ANXA8: variants seen among roughly 807,000 people sequenced by gnomAD.
ANXA8 encodes the protein VAC-beta.
In ANXA8, 9 loss-of-function variants were observed where a neutral mutation model predicts 26.8. The observed-to-expected ratio is 0.34, with a 90% confidence interval of 0.20 to 0.59. ANXA8 has a LOEUF of 0.59. Ranked by LOEUF, ANXA8 falls within the 20% of genes least tolerant of loss-of-function variation. ANXA8 has a pLI of 0.84. For missense variants in ANXA8, 83 were observed against 238.5 expected (o/e 0.35, Z 4.29); for synonymous variants, 39 against 94.8 (o/e 0.41, Z 3.42).
At chr10:47,697,388 A>C in the ANXA8 span, among the ~76,000 whole-genome samples, 1 of 151,934 alleles carries the variant, frequency 6.6e-6, no homozygotes, top group Non-Finnish European at 1.5e-5. Context: ...TAGAGGGAGA[A>C]ATAATAAGCT....
At chr10:47,533,235 AC>A in the ANXA8 span, among the ~76,000 whole-genome samples, 1 of 106,776 alleles carries the variant, frequency 9.4e-6, no homozygotes. Flanking sequence ...CCCCGCAGAC[AC>A]CCTAGTGGCC....
chr10:47,942,708 G>A, the ANXA8 span, among the ~76,000 whole-genome samples: 3 of 142,570 alleles, frequency 2.1e-5, 1 homozygote, highest in Non-Finnish European at 4.5e-5. Context: ...AAGTGTTTGA[G>A]TCTGTCTGAA....
the ANXA8 span, among the ~76,000 whole-genome samples, chr10:47,590,596 A>G: frequency 2.1e-5 from 3 of 146,170 alleles, 1 homozygote; most frequent in African/African-American, 8.4e-5. Context: ...ACAACACAGC[A>G]CCACAGAAGC....
the ANXA8 span, among the ~76,000 whole-genome samples, chr10:47,940,095 C>A: frequency 6.6e-6 from 1 of 151,464 alleles, no homozygotes; most frequent in Admixed American, 6.6e-5. Context: ...TCTCTGAAAA[C>A]TTTTCCTGGC....
At chr10:47,631,718 T>C in the ANXA8 span, among the ~76,000 whole-genome samples, 24 of 150,518 alleles carry the variant, frequency 1.6e-4, 1 homozygote, top group African/African-American at 5.3e-4. Flanking sequence ...TAGTACCAAG[T>C]CATGGCAATT....
the ANXA8 span, chr10:47,567,914 C>A: frequency 1.5e-5 from 8 of 545,092 alleles, no homozygotes; most frequent in East Asian, 2.9e-5. Context: ...ACTTTTTTAA[C>A]CTTTATATGG....
At chr10:47,954,939 A>C in the ANXA8 span, among the ~76,000 whole-genome samples, 1 of 150,456 alleles carries the variant, frequency 6.6e-6, no homozygotes, top group Non-Finnish European at 1.5e-5. Flanking sequence ...GGAGCCCAGA[A>C]ACATTATGAT....
At chr10:47,626,013 C>A in the ANXA8 span, among the ~76,000 whole-genome samples, 15 of 150,486 alleles carry the variant, frequency 1.0e-4, no homozygotes, top group Admixed American at 1.3e-4. Flanking sequence ...GACGTAAAGT[C>A]TCCCAGGTTC....
chr10:47,763,212 T>G, the ANXA8 span: 1 of 987,864 alleles, frequency 1.0e-6, no homozygotes, highest in Non-Finnish European at 1.2e-6. Context: ...GCCCCAGCGC[T>G]GCCTGCCTGA....
the ANXA8 span, among the ~76,000 whole-genome samples, chr10:47,558,044 G>C: frequency 6.6e-6 from 1 of 151,910 alleles, no homozygotes; most frequent in Non-Finnish European, 1.5e-5. Context: ...TTAAAAATCA[G>C]ATCAGTGCTT....
At chr10:47,682,472 T>TC in the ANXA8 span, among the ~76,000 whole-genome samples, 8 of 142,430 alleles carry the variant, frequency 5.6e-5, no homozygotes, top group African/African-American at 1.6e-4. Context: ...TCTTTTTCTT[T>TC]TTTTTTTTTT....
chr10:47,498,194 T>C, the ANXA8 span, among the ~76,000 whole-genome samples: 368 of 146,968 alleles, frequency 2.5e-3, no homozygotes, highest in African/African-American at 9.3e-3. Flanking sequence ...TTCTACCTTC[T>C]GTTTCTATTA....
chr10:47,742,991 A>C, the ANXA8 span, among the ~76,000 whole-genome samples: 29 of 53,546 alleles, frequency 5.4e-4, no homozygotes, highest in African/African-American at 1.7e-3. Flanking sequence ...CGTCTCTACT[A>C]AAAAAAAAAA....
At chr10:47,754,962 TC>T in the ANXA8 span, among the ~76,000 whole-genome samples, 3 of 20,974 alleles carry the variant, frequency 1.4e-4, no homozygotes, top group Non-Finnish European at 2.6e-4. Flanking sequence ...TCTTTTCTTT[TC>T]TTTTTTTTTT....
the ANXA8 span, among the ~76,000 whole-genome samples, chr10:47,953,856 C>T: frequency 6.6e-6 from 1 of 150,532 alleles, no homozygotes; most frequent in African/African-American, 2.5e-5. Flanking sequence ...CATGTCAACC[C>T]GGTTAAAGTG....
chr10:47,646,652 T>A, the ANXA8 span, among the ~76,000 whole-genome samples: 25 of 151,946 alleles, frequency 1.6e-4, no homozygotes, highest in East Asian at 4.8e-3. Context: ...TGATCAATAA[T>A]CCTATGGGAG....
chr10:47,679,405 G>A, the ANXA8 span, among the ~76,000 whole-genome samples: 1 of 152,254 alleles, frequency 6.6e-6, no homozygotes, highest in Non-Finnish European at 1.5e-5. Flanking sequence ...TTTGAGACCA[G>A]CCTGGGCAAC....
the ANXA8 span, among the ~76,000 whole-genome samples, chr10:47,498,055 G>T: frequency 6.6e-6 from 1 of 150,414 alleles, no homozygotes; most frequent in African/African-American, 2.5e-5. Flanking sequence ...GAGCCCTTGG[G>T]TTGGGTAATG....
chr10:47,580,574 A>G, the ANXA8 span, among the ~76,000 whole-genome samples: 15 of 149,412 alleles, frequency 1.0e-4, no homozygotes, highest in African/African-American at 3.5e-4. Flanking sequence ...TGTCTCTACG[A>G]AAAAAAAATT....
Sources: gnomAD v4.1 joint callset for allele counts (sites outside exome capture counted in the v4.1 genomes callset) on GRCh38, gnomAD v4.1.1 for gene constraint, MANE v1.5 for transcripts, NCBI Gene and HGNC (gene_info 2026-07-23, HGNC 2026-07-21) for gene names.